RNF14: variants seen among roughly 807,000 people sequenced by gnomAD.
RNF14 encodes ring finger protein 14.
Under a neutral mutation model 52.6 loss-of-function variants are expected in RNF14, and 26 were observed. That is an observed-to-expected ratio of 0.49 (90% CI 0.36 to 0.69). RNF14 has a LOEUF of 0.69. RNF14 is among the 30% of genes least tolerant of loss of function. The pLI, the probability that RNF14 is intolerant of heterozygous loss-of-function variation, is 0.00. For missense variants in RNF14, 404 were observed against 560.4 expected, an observed-to-expected ratio of 0.72 and a Z score of 2.82; for synonymous variants, 194 against 202.0, an observed-to-expected ratio of 0.96 and a Z score of 0.34.
intron 5 of RNF14, among the ~76,000 whole-genome samples, 172 bp from the exon 6 acceptor site, chr5:141,979,951 T>C (rs1318759820): frequency 1.3e-5 from 2 of 152,234 alleles, no homozygotes; most frequent in East Asian, 3.8e-4. Flanking sequence ...AACAAATGTG[T>C]AGACCCCTAT....
Position 141,983,513 on chromosome 5 carries a change from G to T in RNF14, c.1197G>T (p.Lys399Asn). Reference protein sequence around the residue: ...EEMESKEWLEKNSKSCPCCGT... With the variant: ...EEMESKEWLENNSKSCPCCGT... ...TGGAAAGTAAGGAGTGGCTAGAGAA[G>T]AACTCAAAGAGCTGCCCATGTTGTG... Residue 399 changes from lysine (K) to asparagine (N), a missense_variant, in exon 7 of 9, where the codon AAG becomes AAT. By Grantham distance (94) the Lys-to-Asn change is moderately conservative. Coordinates refer to ENST00000394520, the MANE Select transcript of RNF14 (RefSeq NM_004290.5). 1 of 1,612,274 alleles carries T rather than the reference G, an allele frequency of 6.2e-7. No homozygotes were observed. The highest frequency in any genetic ancestry group is 8.5e-7 in the Non-Finnish European group (1 of 1,179,864).
At position 141,980,156 on chromosome 5, in the gene RNF14, C is replaced by T. The variant is rs867791636; in HGVS notation, c.868C>T (p.Arg290Cys). ...GTTAGTGGAAGCAGAGTTATTTGCCCGTTATGACCGCCTTCTCCTCCAGTC... is the reference window on the plus strand; with the variant it reads ...GTTAGTGGAAGCAGAGTTATTTGCCTGTTATGACCGCCTTCTCCTCCAGTC... The part of the protein sequence containing the change: ...KELVEAELFA[R>C]YDRLLLQSSL... The change falls in exon 6 of 9, where the codon CGT (arginine) becomes TGT (cysteine). Residue 290 changes from arginine (R) to cysteine (C), a missense_variant. Arg to Cys is a radical substitution (Grantham distance 180, BLOSUM62 -3). Transcript: ENST00000394520. 5 of 1,614,168 alleles carry T rather than the reference C, an allele frequency of 3.1e-6. No individual in the cohort carries two copies. The highest frequency in any genetic ancestry group is 1.3e-5 in the African/African-American group (1 of 75,038).
intron 2 of RNF14, among the ~76,000 whole-genome samples, chr5:141,971,591 CTTTCTTTCTTTCTTTCTTTCCTTT>C (rs1753772180): frequency 8.9e-6 from 1 of 112,090 alleles, no homozygotes; most frequent in African/African-American, 3.9e-5. Flanking sequence ...TTCTTTCTTT[CTTTCTTTCTTTCTTTCTTTCCTTT>C]CTTTCTTCTT....
upstream of RNF14, among the ~76,000 whole-genome samples, chr5:141,967,942 A>C (rs1398814359): frequency 6.6e-6 from 1 of 152,184 alleles, no homozygotes; most frequent in Non-Finnish European, 1.5e-5. Flanking sequence ...CTAATTCCAC[A>C]ATATTTTCAT....
upstream of RNF14, chr5:141,957,191 T>C (rs1753199658): frequency 6.2e-7 from 1 of 1,614,148 alleles, no homozygotes; most frequent in East Asian, 2.2e-5. This position sits in a 1 kb window ranked among gnomAD's most constrained non-coding sequence, Gnocchi z 4.3. Context: ...TTGGGGGGGT[T>C]CCCATTGTCA....
At chr5:141,981,151 G>T (rs367647134) in intron 6 of RNF14, among the ~76,000 whole-genome samples, 3 of 152,154 alleles carry the variant, frequency 2.0e-5, no homozygotes, top group African/African-American at 7.2e-5. Flanking sequence ...AACTTCACGG[G>T]GTTATTCTAA....
At chr5:141,975,295 C>T (rs577854178) in intron 4 of RNF14, among the ~76,000 whole-genome samples, 4 of 152,268 alleles carry the variant, frequency 2.6e-5, no homozygotes, top group Non-Finnish European at 5.9e-5. Flanking sequence ...ATTGATACTA[C>T]TTTTCTCTTA....
intron 3 of RNF14, among the ~76,000 whole-genome samples, chr5:141,974,529 T>A (rs994688267): frequency 2.0e-5 from 3 of 152,210 alleles, no homozygotes; most frequent in African/African-American, 7.2e-5. Context: ...TGTTCCTTGG[T>A]CATTAGTGTT....
intron 4 of RNF14, among the ~76,000 whole-genome samples, chr5:141,977,421 T>C (rs972207060): frequency 6.6e-6 from 1 of 152,258 alleles, no homozygotes; most frequent in Non-Finnish European, 1.5e-5. Context: ...TTGTTTGCCA[T>C]CTGGAAGGCA....
chr5:141,951,833 G>A, the RNF14 span, among the ~76,000 whole-genome samples: 3 of 152,254 alleles, frequency 2.0e-5, no homozygotes, highest in African/African-American at 7.2e-5. Flanking sequence ...GACCCTCTGG[G>A]CCTGTCCCCT....
At chr5:141,957,328 G>A (rs763198239), upstream of RNF14, 1 of 1,613,528 alleles carries the variant, frequency 6.2e-7, no homozygotes, top group Non-Finnish European at 8.5e-7. The surrounding 1 kb of genome is among the most constrained non-coding windows in gnomAD (Gnocchi z 4.3). Flanking sequence ...CTCACTGGGA[G>A]ACAGAGTGTA....
At chr5:141,980,422 C>T (rs1352775575) in intron 6 of RNF14, 71 bp downstream of exon 6, 1 of 1,092,700 alleles carries the variant, frequency 9.2e-7, no homozygotes, top group African/African-American at 1.6e-5. Context: ...CTACCAGGGC[C>T]TTATGACTTC....
At chr5:141,956,926 G>T, upstream of RNF14, 1 of 1,614,162 alleles carries the variant, frequency 6.2e-7, no homozygotes, top group Middle Eastern at 1.6e-4. Flanking sequence ...ATAGTCTAGA[G>T]GTCGACGCAG....
upstream of RNF14, chr5:141,954,966 A>G (rs757841190): frequency 1.1e-5 from 18 of 1,605,592 alleles, no homozygotes; most frequent in Admixed American, 6.7e-5. Context: ...CCCATGCCCC[A>G]GGTACCTGAA....
upstream of RNF14, chr5:141,955,139 C>T (rs147558478): frequency 2.2e-5 from 36 of 1,614,124 alleles, no homozygotes; most frequent in Non-Finnish European, 3.0e-5. The surrounding 1 kb of genome is among the most constrained non-coding windows in gnomAD (Gnocchi z 5.5). Flanking sequence ...GCAGAGGAGG[C>T]TGGTGGCCTC....
At chr5:141,960,541 C>A (rs1449417468) in intron 1 of RNF14, among the ~76,000 whole-genome samples, 1 of 151,932 alleles carries the variant, frequency 6.6e-6, no homozygotes, top group Non-Finnish European at 1.5e-5. Context: ...AAGCAGGGGT[C>A]CTCAGATGAT....
chr5:141,979,986 C>T lies in RNF14; in HGVS notation c.835-137C>T, dbSNP rs1754621269. On this transcript the variant is annotated intron_variant, in intron 5 of 8. Coordinates refer to ENST00000394520, the MANE Select transcript of RNF14 (RefSeq NM_004290.5). ...TAATTGTCATCTCAGTCAAAATGTA[C>T]TTGGTTTGATTTTGAAGTGAAAGAG... The T allele has an allele frequency of 2.6e-5, 18 of 680,868 alleles. No individual in the cohort carries two copies. In the South Asian group the frequency reaches 3.0e-4, roughly 11 times the overall value. 42.2% of individuals were successfully genotyped at this position (680,868 alleles called of 1,614,324 possible).
chr5:141,974,599 A>G (rs1754082474), intron 3 of RNF14, among the ~76,000 whole-genome samples: 1 of 152,238 alleles, frequency 6.6e-6, no homozygotes, highest in African/African-American at 2.4e-5. Context: ...TATACATTTC[A>G]TGGTGCTGTA....
upstream of RNF14, chr5:141,957,890 G>A (rs1231141410): frequency 1.3e-6 from 2 of 1,568,526 alleles, no homozygotes; most frequent in East Asian, 2.2e-5. This position sits in a 1 kb window ranked among gnomAD's most constrained non-coding sequence, Gnocchi z 4.3. Flanking sequence ...AACCACTAGA[G>A]TTCTTTCAAG....
Sources: allele counts gnomAD v4.1 joint callset (sites outside exome capture counted in the v4.1 genomes callset), GRCh38; gene constraint gnomAD v4.1.1; non-coding constraint Gnocchi (gnomAD v3.1); transcripts MANE v1.5; gene names NCBI Gene and HGNC (gene_info 2026-07-23, HGNC 2026-07-21).